EXOC6B: variants seen among roughly 807,000 people sequenced by gnomAD.
The protein encoded by EXOC6B is exocyst complex component 6B.
Under a neutral mutation model 113.5 loss-of-function variants are expected in EXOC6B, and 54 were observed. That is an observed-to-expected ratio of 0.48 (90% CI 0.38 to 0.60). EXOC6B has a LOEUF of 0.60. EXOC6B is among the 20% of genes least tolerant of loss of function. The pLI is 0.00. For missense variants in EXOC6B, 797 were observed against 977.5 expected (o/e 0.82, Z 2.46); for synonymous variants, 357 against 339.0 (o/e 1.05, Z -0.58).
At chr2:72,358,132 TA>T (rs1188624081) in intron 19 of EXOC6B, among the ~76,000 whole-genome samples, 2 of 152,142 alleles carry the variant, frequency 1.3e-5, no homozygotes, top group African/African-American at 4.8e-5. Flanking sequence ...TAATGAAAAC[TA>T]CATAAATATA....
chr2:72,810,097 G>A (rs1174655307), intron 1 of EXOC6B, among the ~76,000 whole-genome samples: 2 of 152,056 alleles, frequency 1.3e-5, no homozygotes, highest in African/African-American at 4.8e-5. Flanking sequence ...AGAAAGATAG[G>A]AAATGTCCAA....
chr2:72,699,975 C>T (rs1379432098), intron 6 of EXOC6B, among the ~76,000 whole-genome samples: 1 of 152,102 alleles, frequency 6.6e-6, no homozygotes, highest in Non-Finnish European at 1.5e-5. Context: ...AGTCCCTTAC[C>T]TAAAATGGTG....
intron 8 of EXOC6B, among the ~76,000 whole-genome samples, chr2:72,550,027 G>A (rs955708623): frequency 5.3e-5 from 8 of 152,154 alleles, no homozygotes; most frequent in South Asian, 2.1e-4. Flanking sequence ...ATGAGAGAAT[G>A]AAAAGGGAAG....
At chr2:72,445,087 C>T (rs964529243) in intron 18 of EXOC6B, among the ~76,000 whole-genome samples, 9 of 151,854 alleles carry the variant, frequency 5.9e-5, no homozygotes, top group Non-Finnish European at 1.0e-4. Context: ...TTCTTCAATG[C>T]TTTGCTTTGA....
chr2:72,551,774 G>C (rs1168112049), intron 8 of EXOC6B, among the ~76,000 whole-genome samples: 2 of 152,150 alleles, frequency 1.3e-5, no homozygotes, highest in Non-Finnish European at 2.9e-5. Context: ...GGGATTACAG[G>C]CGTGAGCCAC....
At chr2:72,759,809 A>G (rs752355406) in intron 1 of EXOC6B, among the ~76,000 whole-genome samples, 1 of 152,220 alleles carries the variant, frequency 6.6e-6, no homozygotes, top group African/African-American at 2.4e-5. Flanking sequence ...AAGTCCAGGA[A>G]ATAGAAAAAG....
chr2:72,567,279 C>A (rs1704238479), intron 7 of EXOC6B, among the ~76,000 whole-genome samples: 2 of 152,094 alleles, frequency 1.3e-5, no homozygotes. Flanking sequence ...GTGGGATACA[C>A]TGTAGGATCA....
At chr2:72,351,922 C>T (rs1038131387) in intron 19 of EXOC6B, among the ~76,000 whole-genome samples, 9 of 152,214 alleles carry the variant, frequency 5.9e-5, no homozygotes, top group Middle Eastern at 3.4e-3. Flanking sequence ...TTCATTTCAC[C>T]CTATTCTTTA....
intron 20 of EXOC6B, among the ~76,000 whole-genome samples, chr2:72,304,177 C>T (rs1686695867): frequency 6.6e-6 from 1 of 152,134 alleles, no homozygotes; most frequent in South Asian, 2.1e-4. Context: ...GTGTGGTATT[C>T]CACAGTATGA....
At chr2:72,642,996 CA>C (rs906762385) in intron 6 of EXOC6B, among the ~76,000 whole-genome samples, 1 of 151,758 alleles carries the variant, frequency 6.6e-6, no homozygotes, top group Non-Finnish European at 1.5e-5. Flanking sequence ...TTTATGCAGC[CA>C]AAAAACATGA....
chr2:72,257,327 C>T (rs1683413011), intron 20 of EXOC6B, among the ~76,000 whole-genome samples: 1 of 152,130 alleles, frequency 6.6e-6, no homozygotes. Context: ...ACAACAACAA[C>T]TCATGCTTAG....
chr2:72,674,308 T>C (rs1676122497), intron 6 of EXOC6B, among the ~76,000 whole-genome samples: 1 of 152,208 alleles, frequency 6.6e-6, no homozygotes, highest in African/African-American at 2.4e-5. Flanking sequence ...CTCTCAAGTG[T>C]TGCTCTATGA....
chr2:72,594,398 A>C (rs531286895), intron 6 of EXOC6B, among the ~76,000 whole-genome samples: 1 of 152,302 alleles, frequency 6.6e-6, no homozygotes, highest in East Asian at 1.9e-4. Flanking sequence ...CCCTAATACT[A>C]AAGACTAGAG....
intron 8 of EXOC6B, among the ~76,000 whole-genome samples, chr2:72,516,510 G>A (rs1326747190): frequency 2.0e-5 from 3 of 152,154 alleles, no homozygotes; most frequent in African/African-American, 4.8e-5. Context: ...CAAAGTGCTG[G>A]GATTACAGGC....
chr2:72,642,307 T>G (rs1184574019), intron 6 of EXOC6B, among the ~76,000 whole-genome samples: 20 of 141,910 alleles, frequency 1.4e-4, no homozygotes, highest in African/African-American at 4.2e-4. Context: ...CATCGCCAAG[T>G]CAATCCTAAG....
intron 20 of EXOC6B, among the ~76,000 whole-genome samples, chr2:72,312,364 GA>G (rs1687243880): frequency 6.6e-6 from 1 of 151,586 alleles, no homozygotes; most frequent in Non-Finnish European, 1.5e-5. Flanking sequence ...CATGTGAATT[GA>G]AAAGTATTAA....
At chr2:72,575,150 G>A (rs989304493) in intron 7 of EXOC6B, among the ~76,000 whole-genome samples, 2 of 152,048 alleles carry the variant, frequency 1.3e-5, no homozygotes, top group East Asian at 1.9e-4. Context: ...TGGACTAACC[G>A]TTGCAGTTTC....
chr2:72,531,994 T>A (rs1702029575), intron 8 of EXOC6B, among the ~76,000 whole-genome samples: 2 of 151,248 alleles, frequency 1.3e-5, no homozygotes, highest in South Asian at 2.1e-4. Flanking sequence ...TCAAAAAAAA[T>A]AAAAATAAAA....
intron 19 of EXOC6B, among the ~76,000 whole-genome samples, chr2:72,343,815 T>A (rs558661069): frequency 6.6e-6 from 1 of 152,262 alleles, no homozygotes; most frequent in East Asian, 1.9e-4. Context: ...GTGTCTGGCC[T>A]CCAAAGTTTG....
Sources: allele counts gnomAD v4.1 joint callset (sites outside exome capture counted in the v4.1 genomes callset), GRCh38; gene constraint gnomAD v4.1.1; transcripts MANE v1.5; gene names NCBI Gene and HGNC (gene_info 2026-07-23, HGNC 2026-07-21).